Variants in CCDC152 observed in about 807,000 individuals in gnomAD.
CCDC152 encodes the protein coiled-coil domain containing 152.
In CCDC152, 37 loss-of-function variants were observed where a neutral mutation model predicts 38.1. The observed-to-expected ratio is 0.97, with a 90% confidence interval of 0.75 to 1.28. The LOEUF (loss-of-function observed/expected upper bound fraction) is 1.28. Ranked by LOEUF, CCDC152 falls within the 50% of genes most tolerant of loss-of-function variation. CCDC152 has a pLI of 0.00. For missense variants in CCDC152, 259 were observed against 292.1 expected (o/e 0.89, Z 0.83); for synonymous variants, 83 against 87.1 (o/e 0.95, Z 0.26).
chr5:42,775,187 T>C (rs1470004147), intron 4 of CCDC152, among the ~76,000 whole-genome samples: 1 of 152,026 alleles, frequency 6.6e-6, no homozygotes, highest in African/African-American at 2.4e-5. Flanking sequence ...TTTCCCCTAA[T>C]TAATATCAGA....
chr5:42,781,770 T>C (rs963663250), intron 5 of CCDC152, among the ~76,000 whole-genome samples: 16 of 152,002 alleles, frequency 1.1e-4, no homozygotes, highest in African/African-American at 3.9e-4. Flanking sequence ...ACACAAGGAG[T>C]TGGGAACACA....
At chr5:42,769,928 C>T (rs1759675057) in intron 4 of CCDC152, among the ~76,000 whole-genome samples, 1 of 152,178 alleles carries the variant, frequency 6.6e-6, no homozygotes, top group South Asian at 2.1e-4. Context: ...AAATTTAGAA[C>T]TCTATTTATT....
intron 3 of CCDC152, among the ~76,000 whole-genome samples, chr5:42,766,532 GAATA>G (rs1759626557): frequency 6.6e-6 from 1 of 152,122 alleles, no homozygotes; most frequent in South Asian, 2.1e-4. Flanking sequence ...ACAGATGAAT[GAATA>G]AAGAAAATGT....
At chr5:42,775,407 TAG>T (rs1458310604) in intron 4 of CCDC152, among the ~76,000 whole-genome samples, 1 of 151,524 alleles carries the variant, frequency 6.6e-6, no homozygotes, top group Non-Finnish European at 1.5e-5. Context: ...AGTAAAGGAG[TAG>T]AGTGAAATAT....
chr5:42,758,255 TCTGTTTTGGTTAACTTC>T (rs980142727), intron 1 of CCDC152, among the ~76,000 whole-genome samples: 1 of 152,198 alleles, frequency 6.6e-6, no homozygotes, highest in Non-Finnish European at 1.5e-5. Context: ...TCAAGCAATA[TCTGTTTTGGTTAACTTC>T]CTTTTAAACA....
chr5:42,790,891 C>G (rs144534176), intron 6 of CCDC152, among the ~76,000 whole-genome samples: 1 of 152,064 alleles, frequency 6.6e-6, no homozygotes, highest in Non-Finnish European at 1.5e-5. Context: ...TTATGCTCTC[C>G]GAAATTGGAG....
At chr5:42,795,322 A>G (rs1183221547) in intron 6 of CCDC152, among the ~76,000 whole-genome samples, 1 of 152,198 alleles carries the variant, frequency 6.6e-6, no homozygotes, top group Non-Finnish European at 1.5e-5. Context: ...ATATTTTGTG[A>G]TGTAAAGTGT....
intron 5 of CCDC152, among the ~76,000 whole-genome samples, chr5:42,780,161 C>T (rs566114432): frequency 2.1e-4 from 32 of 152,148 alleles, no homozygotes; most frequent in Non-Finnish European, 4.1e-4. Flanking sequence ...GCTAATATGT[C>T]AAATTCTAGC....
chr5:42,779,637 G>C, intron 5 of CCDC152, 115 bp downstream of exon 5: 1 of 596,016 alleles, frequency 1.7e-6, no homozygotes, highest in Non-Finnish European at 3.0e-6. Flanking sequence ...TTGTGGGTGT[G>C]TGTGTGTGTG....
At chr5:42,756,937 A>T (rs766189948) in intron 1 of CCDC152, 52 bp downstream of exon 1, 2 of 152,578 alleles carry the variant, frequency 1.3e-5, no homozygotes, top group Admixed American at 6.5e-5. Context: ...CTCCATAGAG[A>T]TTCCTTTCTT....
intron 6 of CCDC152, among the ~76,000 whole-genome samples, chr5:42,789,828 C>G (rs982311351): frequency 6.6e-6 from 1 of 151,994 alleles, no homozygotes; most frequent in Non-Finnish European, 1.5e-5. Context: ...CAGCAATTAA[C>G]TTAAAATGGG....
chr5:42,788,628 ACTT>A lies in CCDC152; in HGVS notation c.430+5059_430+5061del, dbSNP rs547124462. 2.3e-3 allele frequency among the ~76,000 whole-genome samples: 348 copies of A among 152,206 alleles called. 5 individuals are homozygous for A. Among genetic ancestry groups the A allele is most frequent in the African/African-American group, 8.1e-3 (337 of 41,536 alleles). ...TGCCATTTGCTTGTTGAATTGTTTG[ACTT>A]CTTCTTACTGAATTCTTAGTGTTCT... On this transcript the variant is annotated intron_variant, in intron 6 of 8. Coordinates refer to ENST00000361970, the MANE Select transcript of CCDC152 (RefSeq NM_001134848.2).
At chr5:42,798,786 A>G (rs954381837) in intron 7 of CCDC152, among the ~76,000 whole-genome samples, 4 of 84,260 alleles carry the variant, frequency 4.7e-5, no homozygotes, top group Non-Finnish European at 8.8e-5. Context: ...GTGCAAAAAC[A>G]AAAAAAAATT....
rs1395660049 is a variant in CCDC152 at position 42,762,430 on chromosome 5, A to C, written c.88-13A>C. 8.3e-6 allele frequency: 11 copies of C among 1,317,596 alleles called. No individual in the cohort carries two copies. The highest frequency in any genetic ancestry group is 1.2e-5 in the Non-Finnish European group (11 of 944,182). The allele number at this position is 1,317,596 out of a possible 1,614,324, so 81.6% of individuals were successfully genotyped here. On this transcript the variant is annotated splice_polypyrimidine_tract_variant and intron_variant, in intron 2 of 8. Coordinates refer to ENST00000361970, the MANE Select transcript of CCDC152 (RefSeq NM_001134848.2). Reference sequence around the variant, plus strand: ...TTGATTTGTTAATAATAAGTATTCTATTTCTTCTACAGAAAATGGTAGAAA... The same window carrying C: ...TTGATTTGTTAATAATAAGTATTCTCTTTCTTCTACAGAAAATGGTAGAAA...
intron 4 of CCDC152, among the ~76,000 whole-genome samples, chr5:42,772,502 T>G (rs1202707147): frequency 3.9e-5 from 6 of 151,932 alleles, no homozygotes; most frequent in African/African-American, 1.4e-4. Flanking sequence ...AATACAAAAA[T>G]TTGCTGGGCG....
chr5:42,761,257 C>T (rs1759549456), intron 2 of CCDC152, among the ~76,000 whole-genome samples: 2 of 152,216 alleles, frequency 1.3e-5, no homozygotes, highest in South Asian at 4.1e-4. Flanking sequence ...GTCTCTCTCT[C>T]AGTAAGAGAC....
chr5:42,801,498 G>C lies in CCDC152; in HGVS notation c.*1717G>C, dbSNP rs1760201985. ...AGTCTGATGTTAGTCTCAACACCTA[G>C]ACATTTTATTAAAGGCTTAAAAAGA... is the stretch of plus-strand genomic sequence containing the variant. On this transcript the variant is annotated 3_prime_UTR_variant, in exon 9 of 9. Transcript: ENST00000361970. 7.3e-6 allele frequency: 4 copies of C among 548,404 alleles called. No homozygotes were observed. The East Asian group carries it at 1.2e-4, about 16-fold the overall frequency. 34.0% of individuals were successfully genotyped at this position (548,404 alleles called of 1,614,324 possible).
At chr5:42,776,772 A>G (rs1407923483) in intron 4 of CCDC152, among the ~76,000 whole-genome samples, 1 of 152,232 alleles carries the variant, frequency 6.6e-6, no homozygotes, top group Non-Finnish European at 1.5e-5. Context: ...TAGATGAAAA[A>G]TCTCAAAATA....
Position 42,758,111 on chromosome 5 carries a change from GATA to G in CCDC152, c.-2-1003_-2-1001del, listed in dbSNP as rs564323651. Among the ~76,000 whole-genome samples, 10 of 152,246 alleles carry G rather than the reference GATA, an allele frequency of 6.6e-5. No individual in the cohort carries two copies. In the South Asian group the frequency reaches 1.2e-3, roughly 19 times the overall value. On this transcript the variant is annotated intron_variant, in intron 1 of 8. Coordinates refer to ENST00000361970, the MANE Select transcript of CCDC152 (RefSeq NM_001134848.2). ...TTGTGCTTGCATATGTCATACATAA[GATA>G]ATAATTCGAGATAATAATTCAAGAA...
Sources: allele counts gnomAD v4.1 joint callset (sites outside exome capture counted in the v4.1 genomes callset), GRCh38; gene constraint gnomAD v4.1.1; transcripts MANE v1.5; gene names NCBI Gene and HGNC (gene_info 2026-07-23, HGNC 2026-07-21).